The following CHL1 variants were observed in gnomAD, a reference collection of about 807,000 sequenced individuals.
CHL1 encodes the protein neural cell adhesion molecule L1-like protein.
Under a neutral mutation model 141.9 loss-of-function variants are expected in CHL1, and 96 were observed. The observed-to-expected ratio is 0.68, with a 90% CI of 0.57 to 0.80. The LOEUF is 0.80. Among genes scored for constraint, CHL1 ranks in the 30% least tolerant of loss-of-function variants. The pLI is 0.00. For synonymous variants in CHL1, 613 were observed against 502.2 expected (o/e 1.22, Z -2.95); for missense variants, 1,820 against 1,457.2 (o/e 1.25, Z -4.05).
At chr3:225,605 C>CAT (rs1391248392) in intron 1 of CHL1, among the ~76,000 whole-genome samples, 3 of 92,750 alleles carry the variant, frequency 3.2e-5, no homozygotes, top group Non-Finnish European at 7.2e-5. Flanking sequence ...TTCAATTACA[C>CAT]AGACGTATAC....
intron 2 of CHL1, among the ~76,000 whole-genome samples, chr3:307,579 G>T (rs1198304057): frequency 6.6e-6 from 1 of 152,098 alleles, no homozygotes; most frequent in Non-Finnish European, 1.5e-5. Flanking sequence ...GGGCTCCCTT[G>T]ATTTTTTAAT....
At chr3:303,309 AT>A (rs141277857) in intron 2 of CHL1, among the ~76,000 whole-genome samples, 47,070 of 151,998 alleles carry the variant, frequency 0.31, 7,688 homozygotes, top group Middle Eastern at 0.44. Context: ...TGGGGATAGC[AT>A]TGAATCTATA....
chr3:304,765 T>G lies in CHL1; in HGVS notation c.-94-14918T>G, dbSNP rs147217832. Among the ~76,000 whole-genome samples, 146 of 152,330 alleles carry G rather than the reference T, an allele frequency of 9.6e-4. 3 individuals carry two copies. In the East Asian group the frequency reaches 0.022, roughly 23 times the overall value. On this transcript the variant is annotated intron_variant, in intron 2 of 27. Transcript: ENST00000256509. ...TTCAGTTCTGCTCTGATCTTAGCTATTTCATGTCTTTTGCTAGCTTTTGAA... is the reference window on the plus strand; with the variant it reads ...TTCAGTTCTGCTCTGATCTTAGCTAGTTCATGTCTTTTGCTAGCTTTTGAA...
intron 2 of CHL1, among the ~76,000 whole-genome samples, chr3:285,322 G>A (rs895642329): frequency 6.6e-6 from 1 of 152,148 alleles, no homozygotes; most frequent in Non-Finnish European, 1.5e-5. Flanking sequence ...ATCTGATGAA[G>A]TCCCTCCCAC....
At chr3:342,810 C>T (rs1702442281) in intron 7 of CHL1, among the ~76,000 whole-genome samples, 174 bp from the exon 8 acceptor site, 1 of 152,164 alleles carries the variant, frequency 6.6e-6, no homozygotes, top group Non-Finnish European at 1.5e-5. Context: ...CAAGATTAAA[C>T]TCACTATAAT....
chr3:246,826 T>C (rs550015930), intron 2 of CHL1: 45 of 152,268 alleles, frequency 3.0e-4, no homozygotes, highest in African/African-American at 1.1e-3. Flanking sequence ...GCTACATTTA[T>C]GTATAATTTA....
chr3:385,617 C>G (rs557190963), intron 19 of CHL1: 4 of 152,274 alleles, frequency 2.6e-5, no homozygotes, highest in Non-Finnish European at 4.4e-5. Flanking sequence ...ATCACAAGAT[C>G]AGGAGTTTGA....
At chr3:216,995 G>T (rs1012371410) in intron 1 of CHL1, among the ~76,000 whole-genome samples, 1 of 152,172 alleles carries the variant, frequency 6.6e-6, no homozygotes, top group Non-Finnish European at 1.5e-5. Context: ...TTTGTGCTCA[G>T]TCTGCTACAA....
intron 1 of CHL1, among the ~76,000 whole-genome samples, chr3:230,624 T>C (rs1180572306): frequency 6.6e-6 from 1 of 152,204 alleles, no homozygotes; most frequent in Non-Finnish European, 1.5e-5. Flanking sequence ...ACTAAGGAAG[T>C]AATTTAGTCT....
rs148766981 is a variant in CHL1 at position 295,317 on chromosome 3, T to C, written c.-94-24366T>C. 8.5e-4 allele frequency among the ~76,000 whole-genome samples: 130 copies of C among 152,284 alleles called. 1 individual carries two copies. The highest frequency in any genetic ancestry group is 3.0e-3 in the African/African-American group (123 of 41,560). ...AAGCCAGAGAGCACATAGTATTTAA[T>C]TAGGAGAGTTTCTAGTGTCCCGAAG... is the stretch of plus-strand genomic sequence containing the variant. On this transcript the variant is annotated intron_variant, in intron 2 of 27. Coordinates refer to ENST00000256509, the MANE Select transcript of CHL1 (RefSeq NM_006614.4).
intron 1 of CHL1, chr3:197,902 C>T: frequency 4.9e-6 from 2 of 406,480 alleles, no homozygotes; most frequent in South Asian, 1.7e-5. Flanking sequence ...TGTGAGTGTG[C>T]GTGGGGAGGC....
At chr3:369,824 T>C (rs1705394781) in intron 15 of CHL1, among the ~76,000 whole-genome samples, 1 of 152,232 alleles carries the variant, frequency 6.6e-6, no homozygotes, top group Admixed American at 6.5e-5. Context: ...ATGAATTTTA[T>C]CAAAGGCCTT....
Position 267,357 on chromosome 3 carries a change from T to C in CHL1, c.-95+22665T>C, listed in dbSNP as rs73092581. Among the ~76,000 whole-genome samples the C allele has an allele frequency of 4.2e-3, 645 of 152,326 alleles. 7 individuals carry two copies. The highest frequency in any genetic ancestry group is 0.015 in the African/African-American group (607 of 41,578). ...TCATAGCAACTTCCTCTGCATAAGA[T>C]CCTAATTAACCACCATAAGGTGATT... On this transcript the variant is annotated intron_variant, in intron 2 of 27. Transcript: ENST00000256509.
intron 2 of CHL1, among the ~76,000 whole-genome samples, chr3:272,258 A>G (rs1695700873): frequency 6.6e-6 from 1 of 152,186 alleles, no homozygotes; most frequent in Non-Finnish European, 1.5e-5. Flanking sequence ...TACTCTGTGC[A>G]GGGGTTTACA....
rs377426665 is a variant in CHL1, at chr3:383,905, G to C, written c.2247+19G>C. The C allele has an allele frequency of 6.5e-7, 1 of 1,550,294 alleles. No homozygotes were observed. Among genetic ancestry groups the C allele is most frequent in the Middle Eastern group, 1.8e-4 (1 of 5,506 alleles). ...GTGGGAGGTGTGTATTTCTTAATAC[G>C]TTATGTATTTCTTTGTGCTTTTCTC... is the stretch of plus-strand genomic sequence containing the variant. On this transcript the variant is annotated intron_variant, in intron 19 of 27. Transcript: ENST00000256509.
intron 5 of CHL1, among the ~76,000 whole-genome samples, chr3:338,741 G>T (rs1309267768): frequency 6.6e-6 from 1 of 152,140 alleles, no homozygotes; most frequent in Non-Finnish European, 1.5e-5. Context: ...AGCAGTTTTG[G>T]TAGAGTTATA....
At position 382,508 on chromosome 3, in the gene CHL1, G is replaced by C; in HGVS notation, c.2013G>C (p.Glu671Asp). The C allele has an allele frequency of 1.2e-6, 2 of 1,613,840 alleles. No homozygotes were observed. Among genetic ancestry groups the C allele is most frequent in the Non-Finnish European group, 1.7e-6 (2 of 1,179,782 alleles). ...YIVEFEGNKE[E>D]PGRWEELTRV... The stretch of plus-strand genomic sequence containing the variant: ...TTGAATTTGAAGGAAACAAAGAAGA[G>C]CCTGGAAGGTGGGAGGAACTGACCA... Residue 671 changes from glutamate to aspartate, a missense_variant, in exon 18 of 28, where the codon GAG becomes GAC. By Grantham distance (45) the Glu-to-Asp change is conservative (BLOSUM62 2). Coordinates refer to ENST00000256509, the MANE Select transcript of CHL1 (RefSeq NM_006614.4).
At chr3:368,917 T>C (rs557853467) in intron 15 of CHL1, among the ~76,000 whole-genome samples, 7 of 152,296 alleles carry the variant, frequency 4.6e-5, no homozygotes, top group Admixed American at 3.9e-4. Context: ...TGTGTGGTGT[T>C]ATTTTTGAGG....
Position 382,042 on chromosome 3 carries a change from G to A in CHL1, c.1877-137G>A. On this transcript the variant is annotated intron_variant, in intron 16 of 27. Transcript: ENST00000256509. Reference sequence around the variant, plus strand: ...TCCACCTTTCCCTTCCATATGTGGGGTGGGGGGCGGGGGTGCTTCCCAGGT... The same window carrying A: ...TCCACCTTTCCCTTCCATATGTGGGATGGGGGGCGGGGGTGCTTCCCAGGT... 5 of 516,464 alleles carry A rather than the reference G, an allele frequency of 9.7e-6. No individual in the cohort carries two copies. In the South Asian group the frequency reaches 1.1e-4, roughly 12 times the overall value. The allele number at this position is 516,464 out of a possible 1,614,324, so 32.0% of individuals were successfully genotyped here.
Sources: gnomAD v4.1 joint callset for allele counts (sites outside exome capture counted in the v4.1 genomes callset) on GRCh38, gnomAD v4.1.1 for gene constraint, MANE v1.5 for transcripts, NCBI Gene and HGNC (gene_info 2026-07-23, HGNC 2026-07-21) for gene names.